KIAA0825: variants seen among roughly 807,000 people sequenced by gnomAD.
KIAA0825 encodes KIAA0825.
Under a neutral mutation model 147.6 loss-of-function variants are expected in KIAA0825, and 119 were observed. That is an observed-to-expected ratio of 0.81 (90% CI 0.69 to 0.94). The LOEUF (loss-of-function observed/expected upper bound fraction) is 0.94, where lower values mean the gene tolerates loss of function less well. Ranked by LOEUF, KIAA0825 falls within the 40% of genes least tolerant of loss-of-function variation. KIAA0825 has a pLI of 0.00. For missense variants in KIAA0825, 1,381 were observed against 1,472.7 expected (o/e 0.94, Z 1.02); for synonymous variants, 470 against 518.1 (o/e 0.91, Z 1.26).
chr5:94,461,125 C>T (rs1759770345), intron 12 of KIAA0825, among the ~76,000 whole-genome samples: 1 of 151,850 alleles, frequency 6.6e-6, no homozygotes, highest in Non-Finnish European at 1.5e-5. Flanking sequence ...CATAGGTTAA[C>T]AATAATGAAT....
At chr5:94,262,510 A>C (rs2150133431) in intron 20 of KIAA0825, among the ~76,000 whole-genome samples, 1 of 152,328 alleles carries the variant, frequency 6.6e-6, no homozygotes, top group Middle Eastern at 3.4e-3. Context: ...TTTACATTTT[A>C]GTAAAAATGG....
intron 2 of KIAA0825, chr5:94,568,351 A>G (rs1457924844): frequency 6.4e-6 from 1 of 155,712 alleles, no homozygotes; most frequent in Non-Finnish European, 1.4e-5. Context: ...CCAACGCCTG[A>G]GCCCTATCTA....
chr5:94,216,060 T>C (rs1415253256), intron 20 of KIAA0825, among the ~76,000 whole-genome samples: 1 of 152,108 alleles, frequency 6.6e-6, no homozygotes, highest in Admixed American at 6.6e-5. Context: ...GATTTTGGTG[T>C]GTCTAGGGAA....
chr5:94,553,332 C>T (rs1437351946), intron 2 of KIAA0825, among the ~76,000 whole-genome samples: 2 of 150,280 alleles, frequency 1.3e-5, no homozygotes, highest in Non-Finnish European at 3.0e-5. Context: ...CCCAGCTACT[C>T]GGGAGGCTGA....
intron 20 of KIAA0825, among the ~76,000 whole-genome samples, chr5:94,201,342 G>T (rs1771667296): frequency 6.6e-6 from 1 of 151,748 alleles, no homozygotes; most frequent in South Asian, 2.1e-4. Context: ...ATGCAGTGGG[G>T]CCTCAGTATC....
intron 20 of KIAA0825, among the ~76,000 whole-genome samples, chr5:94,318,447 G>A (rs1243299340): frequency 2.0e-5 from 3 of 151,816 alleles, no homozygotes; most frequent in Non-Finnish European, 2.9e-5. Flanking sequence ...AGTAGGATAA[G>A]GCTACTTTAG....
At chr5:94,340,679 TGATACATATGTTAC>T (rs1782280204) in intron 20 of KIAA0825, among the ~76,000 whole-genome samples, 5 of 99,100 alleles carry the variant, frequency 5.0e-5, no homozygotes, top group Non-Finnish European at 1.1e-4. Context: ...AAAAAGCTCA[TGATACATATGTTAC>T]ATGATACATA....
chr5:94,167,671 C>G (rs1444788809), intron 20 of KIAA0825, among the ~76,000 whole-genome samples: 1 of 152,052 alleles, frequency 6.6e-6, no homozygotes, highest in Non-Finnish European at 1.5e-5. Context: ...TATACCCACA[C>G]TAAAAGGTCA....
At chr5:94,175,576 C>T (rs919526751) in intron 20 of KIAA0825, among the ~76,000 whole-genome samples, 1 of 152,182 alleles carries the variant, frequency 6.6e-6, no homozygotes, top group Non-Finnish European at 1.5e-5. Flanking sequence ...CTCACCTACA[C>T]AGCCTTACAG....
At chr5:94,188,287 G>A (rs1770343338) in intron 20 of KIAA0825, among the ~76,000 whole-genome samples, 1 of 152,214 alleles carries the variant, frequency 6.6e-6, no homozygotes, top group African/African-American at 2.4e-5. Context: ...ATTTTATAAA[G>A]TGTTGATACT....
intron 2 of KIAA0825, among the ~76,000 whole-genome samples, chr5:94,560,625 T>C (rs1318869948): frequency 6.6e-6 from 1 of 152,244 alleles, no homozygotes; most frequent in Non-Finnish European, 1.5e-5. Flanking sequence ...TCAGTCATAA[T>C]AGAAAATGTT....
intron 3 of KIAA0825, among the ~76,000 whole-genome samples, chr5:94,533,969 C>T (rs1771455945): frequency 6.6e-6 from 1 of 152,074 alleles, no homozygotes; most frequent in Non-Finnish European, 1.5e-5. Context: ...GACCCTGTGG[C>T]TCATAAAACC....
chr5:94,182,746 AT>A (rs1769780027), intron 20 of KIAA0825, among the ~76,000 whole-genome samples: 1 of 152,036 alleles, frequency 6.6e-6, no homozygotes, highest in South Asian at 2.1e-4. Flanking sequence ...ATTTGCAGTT[AT>A]TTTTTAAACT....
chr5:94,499,465 C>T (rs1045929957), intron 5 of KIAA0825, among the ~76,000 whole-genome samples: 2 of 151,984 alleles, frequency 1.3e-5, no homozygotes, highest in African/African-American at 4.8e-5. Flanking sequence ...TCTTGATCAT[C>T]CTGGGCATAA....
At chr5:94,465,589 T>G (rs1760390196) in intron 10 of KIAA0825, among the ~76,000 whole-genome samples, 1 of 152,204 alleles carries the variant, frequency 6.6e-6, no homozygotes, top group African/African-American at 2.4e-5. Flanking sequence ...TGGGTAACTA[T>G]CGAATATTAT....
At chr5:94,578,821 C>T (rs1008207475) in intron 2 of KIAA0825, among the ~76,000 whole-genome samples, 8 of 152,176 alleles carry the variant, frequency 5.3e-5, no homozygotes, top group Non-Finnish European at 1.2e-4. Flanking sequence ...TGAGATTCTG[C>T]ATTTGTAGCA....
intron 2 of KIAA0825, among the ~76,000 whole-genome samples, chr5:94,564,990 TCTC>T (rs1172256792): frequency 1.4e-5 from 2 of 140,006 alleles, no homozygotes; most frequent in East Asian, 2.0e-4. Context: ...TCTCTTCTCT[TCTC>T]CTCTCTCTCT....
chr5:94,271,933 A>T (rs554190522), intron 20 of KIAA0825, among the ~76,000 whole-genome samples: 5 of 152,182 alleles, frequency 3.3e-5, no homozygotes, highest in African/African-American at 1.2e-4. Flanking sequence ...ATCAACAGAC[A>T]AGTGGATAAA....
Position 94,207,606 on chromosome 5 carries a change from G to A in KIAA0825, c.3711-53482C>T, listed in dbSNP as rs533859926. On this transcript the variant is annotated intron_variant, in intron 20 of 20. Transcript: ENST00000682413. ...CTCAAGTATCCTGGCAACATTTCAC[G>A]CATATGTTTCCGTGGTGTCTAAACA... is the stretch of plus-strand genomic sequence containing the variant. Among the ~76,000 whole-genome samples the A allele has an allele frequency of 7.2e-5, 11 of 152,202 alleles. No individual in the cohort carries two copies. The South Asian group carries it at 1.7e-3, about 23-fold the overall frequency.
Sources: allele counts gnomAD v4.1 joint callset (sites outside exome capture counted in the v4.1 genomes callset), GRCh38; gene constraint gnomAD v4.1.1; transcripts MANE v1.5; gene names NCBI Gene and HGNC (gene_info 2026-07-23, HGNC 2026-07-21).